Variants in RBMS3 observed in about 807,000 individuals in gnomAD.
RBMS3 encodes the protein RNA-binding motif, single-stranded-interacting protein 3.
Under a neutral mutation model 66.8 loss-of-function variants are expected in RBMS3, and 27 were observed. The observed-to-expected ratio is 0.40, with a 90% CI of 0.30 to 0.56. The LOEUF (loss-of-function observed/expected upper bound fraction) is 0.56, where lower values mean the gene tolerates loss of function less well. Among genes scored for constraint, RBMS3 ranks in the 20% least tolerant of loss-of-function variants. The probability of loss-of-function intolerance (pLI) is 0.40; values close to 1 mark genes in which losing one functional copy is unlikely to be tolerated. For synonymous variants in RBMS3, 188 were observed against 183.0 expected (o/e 1.03, Z -0.22); for missense variants, 513 against 549.5 (o/e 0.93, Z 0.66).
intron 10 of RBMS3, among the ~76,000 whole-genome samples, chr3:29,921,399 T>C (rs1266727580): frequency 6.7e-6 from 1 of 149,726 alleles, no homozygotes; most frequent in Non-Finnish European, 1.5e-5. Flanking sequence ...ATACCCACTA[T>C]AGTCAGAATA....
chr3:29,535,230 A>T (rs1485091361), intron 3 of RBMS3, among the ~76,000 whole-genome samples: 1 of 152,134 alleles, frequency 6.6e-6, no homozygotes, highest in Non-Finnish European at 1.5e-5. Flanking sequence ...TATAGCAAAA[A>T]TATTTGTGTG....
At chr3:29,535,463 C>T (rs1235197390) in intron 3 of RBMS3, among the ~76,000 whole-genome samples, 1 of 152,012 alleles carries the variant, frequency 6.6e-6, no homozygotes, top group Non-Finnish European at 1.5e-5. Flanking sequence ...ATTGCCATCA[C>T]CAGTAAATTC....
intron 2 of RBMS3, among the ~76,000 whole-genome samples, chr3:29,474,932 A>G (rs1253026470): frequency 6.6e-6 from 1 of 152,224 alleles, no homozygotes; most frequent in East Asian, 1.9e-4. Flanking sequence ...TGATGGAAAT[A>G]TAAAGAATAG....
chr3:29,553,014 G>A (rs933660835), intron 3 of RBMS3, among the ~76,000 whole-genome samples: 9 of 152,078 alleles, frequency 5.9e-5, no homozygotes, highest in African/African-American at 1.9e-4. Flanking sequence ...TGCAACCTGC[G>A]AATAGGCCTG....
intron 3 of RBMS3, among the ~76,000 whole-genome samples, chr3:29,533,945 G>T (rs939063723): frequency 1.3e-5 from 2 of 152,116 alleles, no homozygotes; most frequent in African/African-American, 4.8e-5. Context: ...AACATTATGG[G>T]CCACTCCTTA....
intron 12 of RBMS3, among the ~76,000 whole-genome samples, chr3:29,963,178 G>A (rs1342540393): frequency 6.6e-6 from 1 of 152,016 alleles, no homozygotes; most frequent in African/African-American, 2.4e-5. Context: ...ATTTCCTTAG[G>A]GAACATATTT....
intron 1 of RBMS3, among the ~76,000 whole-genome samples, chr3:29,425,216 C>CA (rs71091059): frequency 0.064 from 7,654 of 119,916 alleles, 580 homozygotes; most frequent in African/African-American, 0.21. Context: ...CCAAAAAAAA[C>CA]AAAAAAAAAA....
At chr3:29,801,233 T>G (rs1485808159) in intron 6 of RBMS3, among the ~76,000 whole-genome samples, 3 of 151,550 alleles carry the variant, frequency 2.0e-5, no homozygotes, top group Non-Finnish European at 4.4e-5. Flanking sequence ...GGTTTAACTA[T>G]GTTACTAGTA....
intron 4 of RBMS3, among the ~76,000 whole-genome samples, chr3:29,633,424 T>C (rs1330825148): frequency 6.6e-6 from 1 of 151,886 alleles, no homozygotes; most frequent in African/African-American, 2.4e-5. Context: ...ATTATTTTTA[T>C]ATAGTATAAT....
At chr3:29,349,098 T>C (rs2036754165) in intron 1 of RBMS3, among the ~76,000 whole-genome samples, 1 of 152,166 alleles carries the variant, frequency 6.6e-6, no homozygotes, top group Non-Finnish European at 1.5e-5. Flanking sequence ...CTTGAGATCT[T>C]TCTTAGGCTC....
In RBMS3 at chr3:29,731,010, G is replaced by C. The variant is rs1414772927; in HGVS notation, c.400-8710G>C. ...TCTGGCCACCTGTTCCAGGACCAAA[G>C]GTAACTTAAATTTAGTCATAAAGGC... On this transcript the variant is annotated intron_variant, in intron 4 of 14. Transcript: ENST00000383767. The C allele has an allele frequency of 6.1e-6, 6 of 985,280 alleles. No homozygotes were observed. The African/African-American group carries it at 1.0e-4, about 17-fold the overall frequency. The allele number at this position is 985,280 out of a possible 1,614,324, so 61.0% of individuals were successfully genotyped here.
chr3:29,525,445 T>G (rs1305932053), intron 3 of RBMS3, among the ~76,000 whole-genome samples: 1 of 152,188 alleles, frequency 6.6e-6, no homozygotes, highest in Non-Finnish European at 1.5e-5. Flanking sequence ...CCGAGTGACA[T>G]CCCTTCAGCT....
At chr3:29,343,477 A>G (rs1056647469) in intron 1 of RBMS3, among the ~76,000 whole-genome samples, 1 of 152,164 alleles carries the variant, frequency 6.6e-6, no homozygotes, top group Non-Finnish European at 1.5e-5. Context: ...AAAAATTTAC[A>G]TATCTGTCTA....
chr3:29,648,517 C>A (rs998390453), intron 4 of RBMS3, among the ~76,000 whole-genome samples: 4 of 151,884 alleles, frequency 2.6e-5, no homozygotes. Context: ...AAGCCATTCT[C>A]CTATCTTGGC....
At chr3:29,331,646 A>T (rs771644281) in intron 1 of RBMS3, among the ~76,000 whole-genome samples, 8 of 151,982 alleles carry the variant, frequency 5.3e-5, no homozygotes, top group Non-Finnish European at 5.9e-5. Flanking sequence ...CAGACTTCTC[A>T]GCCTCGCGTG....
At chr3:29,490,440 A>G (rs2043499595) in intron 3 of RBMS3, among the ~76,000 whole-genome samples, 1 of 152,156 alleles carries the variant, frequency 6.6e-6, no homozygotes, top group Admixed American at 6.5e-5. Context: ...GGAATGTATG[A>G]AACAAACCCT....
Position 29,757,503 on chromosome 3 carries a change from G to A in RBMS3, c.558-5407G>A, listed in dbSNP as rs1024828382. On this transcript the variant is annotated intron_variant, in intron 5 of 14. Coordinates refer to ENST00000383767, the MANE Select transcript of RBMS3 (RefSeq NM_001003793.3). ...TCTCTCATACCTGACACAGAACTTC[G>A]GAACAGGAGTTTTCAACCCTGGCTG... 1.3e-4 allele frequency among the ~76,000 whole-genome samples: 20 copies of A among 152,256 alleles called. 1 individual carries two copies. The highest frequency in any genetic ancestry group is 4.3e-4 in the African/African-American group (18 of 41,538).
intron 4 of RBMS3, among the ~76,000 whole-genome samples, chr3:29,665,333 G>T (rs1281677508): frequency 1.3e-5 from 2 of 151,996 alleles, no homozygotes; most frequent in Non-Finnish European, 2.9e-5. Context: ...ATTTAATTTT[G>T]TCATTTTTTT....
intron 4 of RBMS3, among the ~76,000 whole-genome samples, chr3:29,615,421 C>T (rs934158412): frequency 6.6e-6 from 1 of 150,938 alleles, no homozygotes; most frequent in Non-Finnish European, 1.5e-5. Flanking sequence ...GGCATTTTTT[C>T]CAAAAAATTT....
Sources: allele counts gnomAD v4.1 joint callset (sites outside exome capture counted in the v4.1 genomes callset), GRCh38; gene constraint gnomAD v4.1.1; transcripts MANE v1.5; gene names NCBI Gene and HGNC (gene_info 2026-07-23, HGNC 2026-07-21).